AK9: variants seen among roughly 807,000 people sequenced by gnomAD.
AK9 encodes adenylate kinase 9.
AK9 carries 191 observed loss-of-function variants against 239.6 expected under a neutral mutation model. That is an observed-to-expected ratio of 0.80 (90% CI 0.71 to 0.90). The LOEUF is 0.90. Ranked by LOEUF, AK9 falls within the 40% of genes least tolerant of loss-of-function variation. The probability of loss-of-function intolerance (pLI) is 0.00; values close to 1 mark genes in which losing one functional copy is unlikely to be tolerated. For synonymous variants in AK9, 689 were observed against 721.0 expected (o/e 0.96, Z 0.71); for missense variants, 1,995 against 2,214.7 (o/e 0.90, Z 1.99).
chr6:109,633,099 G>A lies in AK9; in HGVS notation c.1078C>T (p.Leu360=). ...SGLPDYSVSF[L]GKIYCLSSEE... ...GATGAAAGACAGTAGATTTTACCTA[G>A]AAAACTTAAAATATGCCATATTAGT... The change falls in exon 12 of 41, where the codon CTA becomes TTA. Residue 360 remains leucine (L), a synonymous_variant. Coordinates refer to ENST00000424296, the MANE Select transcript of AK9 (RefSeq NM_001145128.3). The A allele has an allele frequency of 6.5e-7, 1 of 1,545,784 alleles. No homozygotes were observed. Among genetic ancestry groups the A allele is most frequent in the Non-Finnish European group, 8.7e-7 (1 of 1,154,164 alleles).
At chr6:109,578,415 T>C (rs572779952) in intron 20 of AK9, among the ~76,000 whole-genome samples, 34 of 152,324 alleles carry the variant, frequency 2.2e-4, no homozygotes, top group African/African-American at 7.9e-4. Context: ...CTCTCTTCTT[T>C]TTTTGGTTAA....
chr6:109,538,866 C>A (rs1219708998), intron 27 of AK9, among the ~76,000 whole-genome samples: 11 of 152,228 alleles, frequency 7.2e-5, no homozygotes, highest in African/African-American at 2.6e-4. Context: ...AGTTATGAAG[C>A]TTAGTTTGGC....
chr6:109,537,185 G>A (rs1286575380), intron 27 of AK9, among the ~76,000 whole-genome samples: 6 of 152,126 alleles, frequency 3.9e-5, no homozygotes, highest in East Asian at 1.9e-4. Flanking sequence ...ATTGGTACCA[G>A]CTCCTCCTTC....
At chr6:109,569,864 C>T (rs531033592) in intron 21 of AK9, among the ~76,000 whole-genome samples, 44 of 152,326 alleles carry the variant, frequency 2.9e-4, no homozygotes, top group African/African-American at 1.0e-3. Flanking sequence ...TTGTGGAAGA[C>T]AATGGGGCGA....
intron 6 of AK9, chr6:109,661,099 C>T (rs1341052579): frequency 3.2e-6 from 1 of 317,290 alleles, no homozygotes; most frequent in African/African-American, 2.1e-5. Flanking sequence ...CAGGCTTATT[C>T]CCCAATAAGG....
chr6:109,647,938 C>G (rs1218238660), intron 8 of AK9, among the ~76,000 whole-genome samples: 2 of 152,110 alleles, frequency 1.3e-5, no homozygotes, highest in Non-Finnish European at 2.9e-5. Context: ...AAGAAACTCA[C>G]TCAAAACCGC....
chr6:109,642,271 G>A (rs1357229435), intron 9 of AK9, among the ~76,000 whole-genome samples: 1 of 152,138 alleles, frequency 6.6e-6, no homozygotes, highest in Non-Finnish European at 1.5e-5. Context: ...GCAACCCCAG[G>A]AAATTTGTGC....
chr6:109,574,836 T>C (rs1348862526), intron 20 of AK9, among the ~76,000 whole-genome samples: 1 of 152,104 alleles, frequency 6.6e-6, no homozygotes, highest in East Asian at 1.9e-4. Context: ...GTACCCAATG[T>C]GTAGTCTTTT....
At chr6:109,664,326 C>T (rs1172121735) in intron 5 of AK9, among the ~76,000 whole-genome samples, 2 of 152,144 alleles carry the variant, frequency 1.3e-5, no homozygotes, top group Admixed American at 1.3e-4. Flanking sequence ...AAAAAAGTTA[C>T]CAAGCACCTG....
intron 29 of AK9, chr6:109,528,459 G>A: frequency 2.4e-6 from 1 of 424,714 alleles, no homozygotes; most frequent in Non-Finnish European, 4.7e-6. Context: ...TGAAAATCGA[G>A]GCAAATAATT....
At chr6:109,619,341 C>A in intron 12 of AK9, 105 bp from the exon 13 acceptor site, 1 of 1,203,802 alleles carries the variant, frequency 8.3e-7, no homozygotes, top group Non-Finnish European at 1.1e-6. Context: ...TATCTCTATT[C>A]CAAAAATATT....
At chr6:109,661,379 A>G (rs1357796304) in intron 6 of AK9, among the ~76,000 whole-genome samples, 4 of 152,182 alleles carry the variant, frequency 2.6e-5, no homozygotes, top group African/African-American at 7.2e-5. Flanking sequence ...AACTGGTCAC[A>G]TTTCCCCTTT....
rs892145466 is a variant in AK9 at position 109,605,437 on chromosome 6, C to T, written c.1842+4928G>A. On this transcript the variant is annotated intron_variant, in intron 17 of 40. Coordinates refer to ENST00000424296, the MANE Select transcript of AK9 (RefSeq NM_001145128.3). ...AGATATTCATTTGAGTTTTTTCTTG[C>T]TATTTTTTTTTCATCCCCACTCTGA... 4.6e-5 allele frequency among the ~76,000 whole-genome samples: 7 copies of T among 151,964 alleles called. No individual in the cohort carries two copies. The East Asian group carries it at 1.3e-3, about 29-fold the overall frequency.
At position 109,509,298 on chromosome 6, in the gene AK9, C is replaced by A. The variant is rs199865697; in HGVS notation, c.4362G>T (p.Pro1454=). 3 of 1,551,696 alleles carry A rather than the reference C, an allele frequency of 1.9e-6. No individual in the cohort carries two copies. The highest frequency in any genetic ancestry group is 2.6e-6 in the Non-Finnish European group (3 of 1,146,986). ...GALRYVLNNH[P]ETELALMLNW... ...TTAACATAAGTGCCAGCTCTGTTTC[C>A]GGGTGATTGTTTAGTACATAACGCA... is the stretch of plus-strand genomic sequence containing the variant. The change falls in exon 33 of 41, where the codon CCG becomes CCT. Residue 1454 remains proline, a synonymous_variant. Coordinates refer to ENST00000424296, the MANE Select transcript of AK9 (RefSeq NM_001145128.3).
rs75582269 is a variant in AK9 at position 109,633,295 on chromosome 6, T to C, written c.962A>G (p.Tyr321Cys). ...NDELFRTLASYKLIAPRYRWQ... is the reference protein window; with the variant it reads ...NDELFRTLASCKLIAPRYRWQ... ...TCTGTATCTTGGTGCAATAAGTTTA[T>C]AAGATGCAAGAGTACGAAATAGCTC... is the stretch of plus-strand genomic sequence containing the variant. The change falls in exon 11 of 41, where the codon TAT becomes TGT. Residue 321 changes from tyrosine to cysteine, a missense_variant. Tyr to Cys is a radical substitution (Grantham distance 194). Coordinates refer to ENST00000424296, the MANE Select transcript of AK9 (RefSeq NM_001145128.3). 4,347 of 1,606,864 alleles carry C rather than the reference T, an allele frequency of 2.7e-3. 111 individuals carry two copies. The African/African-American group carries it at 0.052, about 19-fold the overall frequency.
chr6:109,539,325 C>T (rs188465103), intron 27 of AK9, among the ~76,000 whole-genome samples: 136 of 152,236 alleles, frequency 8.9e-4, no homozygotes, highest in African/African-American at 2.8e-3. Flanking sequence ...TTTCTCTAAT[C>T]TTCTCTTCTC....
At chr6:109,605,269 C>T (rs1792687695) in intron 17 of AK9, among the ~76,000 whole-genome samples, 1 of 151,978 alleles carries the variant, frequency 6.6e-6, no homozygotes, top group Non-Finnish European at 1.5e-5. Flanking sequence ...GGCCCCATAT[C>T]CTAAAAAAAT....
chr6:109,503,263 AT>A (rs769227653), intron 35 of AK9, among the ~76,000 whole-genome samples: 1 of 152,040 alleles, frequency 6.6e-6, no homozygotes, highest in Non-Finnish European at 1.5e-5. Context: ...AATACTATCT[AT>A]TTCTTGGTTG....
chr6:109,497,412 A>G lies in AK9; in HGVS notation c.5315+53T>C. 3.6e-6 allele frequency: 4 copies of G among 1,100,232 alleles called. No homozygotes were observed. In the South Asian group the frequency reaches 5.1e-5, roughly 14 times the overall value. 68.2% of individuals were successfully genotyped at this position (1,100,232 alleles called of 1,614,324 possible). A position where few individuals can be genotyped will look rare whatever the true frequency, so the allele number is the denominator to read the frequency against. On this transcript the variant is annotated intron_variant, in intron 38 of 40. Coordinates refer to ENST00000424296, the MANE Select transcript of AK9 (RefSeq NM_001145128.3). ...CACACTCCTCTCCCCCGTTCCCAGC[A>G]TGTTGCATGCAACACAGATTTTCAG...
Sources: allele counts gnomAD v4.1 joint callset (sites outside exome capture counted in the v4.1 genomes callset), GRCh38; gene constraint gnomAD v4.1.1; transcripts MANE v1.5; gene names NCBI Gene and HGNC (gene_info 2026-07-23, HGNC 2026-07-21).